EPC2: variants seen among roughly 807,000 people sequenced by gnomAD.
EPC2 encodes the protein enhancer of polycomb 2.
Under a neutral mutation model 92.1 loss-of-function variants are expected in EPC2, and 14 were observed. The observed-to-expected ratio is 0.15, with a 90% CI of 0.10 to 0.24. The LOEUF is 0.24. Among genes scored for constraint, EPC2 ranks in the 10% least tolerant of loss-of-function variants. The pLI, the probability that EPC2 is intolerant of heterozygous loss-of-function variation, is 1.00. For synonymous variants in EPC2, 340 were observed against 334.7 expected (o/e 1.02, Z -0.17); for missense variants, 755 against 971.5 (o/e 0.78, Z 2.96).
At chr2:148,782,779 C>T (rs1248187364) in intron 11 of EPC2, among the ~76,000 whole-genome samples, 2 of 151,894 alleles carry the variant, frequency 1.3e-5, no homozygotes, top group African/African-American at 4.8e-5. Flanking sequence ...CCACTAAAAG[C>T]AAAACTAAGA....
chr2:148,786,273 T>C, intron 13 of EPC2, 32 bp from the exon 14 acceptor site: 3 of 1,531,236 alleles, frequency 2.0e-6, no homozygotes, highest in Non-Finnish European at 2.7e-6. Flanking sequence ...AGAGTATTGA[T>C]ATTTATTTTA....
chr2:148,706,585 G>C (rs1034249872), intron 2 of EPC2, among the ~76,000 whole-genome samples: 2 of 152,074 alleles, frequency 1.3e-5, no homozygotes, highest in Non-Finnish European at 2.9e-5. Context: ...AAATGCTAAG[G>C]GTAGCCAGAG....
chr2:148,771,323 G>T lies in EPC2; in HGVS notation c.1656G>T (p.Val552=). The part of the protein sequence containing the change: ...ECTSRKPGQT[V]NNKRVSAASV... ...CCTCAAGAAAACCAGGGCAGACTGT[G>T]AACAATAAAAGAGTTTCTGCAGCAT... Residue 552 remains valine, a synonymous_variant, in exon 10 of 14, where the codon GTG becomes GTT. Coordinates refer to ENST00000258484, the MANE Select transcript of EPC2 (RefSeq NM_015630.4). The T allele has an allele frequency of 1.2e-6, 2 of 1,612,926 alleles. No individual in the cohort carries two copies. The highest frequency in any genetic ancestry group is 1.1e-5 in the South Asian group (1 of 90,774).
At chr2:148,686,021 TATA>T (rs1215279752) in intron 1 of EPC2, among the ~76,000 whole-genome samples, 1 of 152,206 alleles carries the variant, frequency 6.6e-6, no homozygotes, top group Non-Finnish European at 1.5e-5. Flanking sequence ...GGAAGTTTCT[TATA>T]ATAAGACAAT....
At chr2:148,646,985 C>A (rs1683816672) in intron 1 of EPC2, among the ~76,000 whole-genome samples, 1 of 151,988 alleles carries the variant, frequency 6.6e-6, no homozygotes, top group South Asian at 2.1e-4. Context: ...TGGTGCGCGC[C>A]TGTAATACCA....
At chr2:148,777,204 T>C (rs1293160522) in intron 10 of EPC2, among the ~76,000 whole-genome samples, 1 of 151,670 alleles carries the variant, frequency 6.6e-6, no homozygotes, top group Non-Finnish European at 1.5e-5. Context: ...GAAAAGACAC[T>C]CTTGTAACAA....
chr2:148,749,704 A>G (rs1037283321), intron 3 of EPC2, among the ~76,000 whole-genome samples: 14 of 152,146 alleles, frequency 9.2e-5, no homozygotes, highest in Non-Finnish European at 1.9e-4. Flanking sequence ...ATGTTAAAGT[A>G]TTTGTGTATT....
At chr2:148,691,146 G>A (rs16829170) in intron 2 of EPC2, among the ~76,000 whole-genome samples, 2,089 of 152,146 alleles carry the variant, frequency 0.014, 44 homozygotes, top group African/African-American at 0.047. Flanking sequence ...CACCTCTAGC[G>A]TGAAGACTTT....
intron 3 of EPC2, among the ~76,000 whole-genome samples, chr2:148,753,379 A>C (rs1166102727): frequency 6.6e-6 from 1 of 152,264 alleles, no homozygotes; most frequent in Non-Finnish European, 1.5e-5. Context: ...CAAAGAATTC[A>C]AAATTGCATA....
intron 1 of EPC2, among the ~76,000 whole-genome samples, chr2:148,660,184 C>A (rs35899552): frequency 0.18 from 26,780 of 151,758 alleles, 3,159 homozygotes; most frequent in East Asian, 0.49. Context: ...GTGAATAGGT[C>A]TATGTGTGTA....
intron 2 of EPC2, among the ~76,000 whole-genome samples, chr2:148,727,851 T>C (rs373034238): frequency 1.6e-4 from 24 of 152,152 alleles, no homozygotes; most frequent in African/African-American, 5.3e-4. Flanking sequence ...TTCAAATGAT[T>C]TCAAAAGAAA....
intron 10 of EPC2, among the ~76,000 whole-genome samples, chr2:148,777,675 G>A (rs1196034067): frequency 1.3e-5 from 2 of 152,114 alleles, no homozygotes; most frequent in East Asian, 3.8e-4. Flanking sequence ...TCACTAAAAA[G>A]TCACCCTAAG....
At chr2:148,700,773 G>A (rs901828592) in intron 2 of EPC2, among the ~76,000 whole-genome samples, 5 of 150,968 alleles carry the variant, frequency 3.3e-5, no homozygotes, top group African/African-American at 1.2e-4. Context: ...GGCTCTTTGG[G>A]GGCACTTGTC....
chr2:148,755,672 C>T (rs1334782591), intron 4 of EPC2, among the ~76,000 whole-genome samples: 4 of 152,208 alleles, frequency 2.6e-5, no homozygotes, highest in Non-Finnish European at 4.4e-5. Context: ...CAGCAATAGG[C>T]TATACCTTCT....
At chr2:148,680,799 G>C (rs1274954897) in intron 1 of EPC2, among the ~76,000 whole-genome samples, 1 of 152,202 alleles carries the variant, frequency 6.6e-6, no homozygotes, top group African/African-American at 2.4e-5. Flanking sequence ...TGAGTGAGAA[G>C]ATATGTGTGA....
chr2:148,646,020 TCCTCCGATGG>T (rs896331206), intron 1 of EPC2, among the ~76,000 whole-genome samples: 4 of 152,242 alleles, frequency 2.6e-5, no homozygotes, highest in African/African-American at 9.6e-5. Context: ...TTGCTGCTTT[TCCTCCGATGG>T]GTTAAATTTT....
chr2:148,746,793 C>T (rs1682993506), intron 3 of EPC2, among the ~76,000 whole-genome samples: 1 of 151,452 alleles, frequency 6.6e-6, no homozygotes, highest in Non-Finnish European at 1.5e-5. Flanking sequence ...TAACTTCCCA[C>T]CCTCAAAAGG....
At chr2:148,714,822 G>A (rs1227705924) in intron 2 of EPC2, among the ~76,000 whole-genome samples, 1 of 151,918 alleles carries the variant, frequency 6.6e-6, no homozygotes, top group East Asian at 1.9e-4. Flanking sequence ...TTGTCAGATG[G>A]GTAAGTTGCA....
At chr2:148,685,250 GTT>G (rs58225738) in intron 1 of EPC2, among the ~76,000 whole-genome samples, 16 of 151,202 alleles carry the variant, frequency 1.1e-4, no homozygotes, top group South Asian at 8.4e-4. Context: ...ATTTCGTTGA[GTT>G]TTTTTTTTCT....
Sources: allele counts gnomAD v4.1 joint callset (sites outside exome capture counted in the v4.1 genomes callset), GRCh38; gene constraint gnomAD v4.1.1; transcripts MANE v1.5; gene names NCBI Gene and HGNC (gene_info 2026-07-23, HGNC 2026-07-21).